The following EIF2B3 variants were observed in gnomAD, a reference collection of about 807,000 sequenced individuals.
EIF2B3 encodes the protein eukaryotic translation initiation factor 2B subunit gamma, also known as translation initiation factor eIF2B subunit gamma.
EIF2B3 carries 20 observed loss-of-function variants against 54.1 expected under a neutral mutation model. That is an observed-to-expected ratio of 0.37 (90% CI 0.26 to 0.54). The LOEUF (loss-of-function observed/expected upper bound fraction) is 0.54. EIF2B3 is among the 20% of genes least tolerant of loss of function. The pLI, the probability that EIF2B3 is intolerant of heterozygous loss-of-function variation, is 0.86. For synonymous variants in EIF2B3, 153 were observed against 188.1 expected (o/e 0.81, Z 1.52); for missense variants, 448 against 547.8 (o/e 0.82, Z 1.82).
intron 3 of EIF2B3, chr1:44,958,604 C>A: frequency 6.8e-7 from 1 of 1,475,364 alleles, no homozygotes. Context: ...AAAAGTGTGG[C>A]ATCAAACTCT....
intron 8 of EIF2B3, among the ~76,000 whole-genome samples, chr1:44,877,979 T>C (rs1472839738): frequency 6.6e-6 from 1 of 152,216 alleles, no homozygotes. Flanking sequence ...TTTCCCAGCA[T>C]GCTCACTCGA....
intron 4 of EIF2B3, among the ~76,000 whole-genome samples, chr1:44,937,606 G>T (rs12725055): frequency 6.6e-6 from 1 of 151,572 alleles, no homozygotes. Flanking sequence ...GCAGCAGACC[G>T]GGCGCGGTGG....
At chr1:44,872,116 T>C (rs944021784) in intron 10 of EIF2B3, among the ~76,000 whole-genome samples, 4 of 152,174 alleles carry the variant, frequency 2.6e-5, no homozygotes, top group Non-Finnish European at 4.4e-5. Context: ...CACTGCAGCC[T>C]TGACATACCA....
intron 3 of EIF2B3, among the ~76,000 whole-genome samples, chr1:44,944,048 G>T (rs1468194537): frequency 6.6e-6 from 1 of 152,130 alleles, no homozygotes; most frequent in Non-Finnish European, 1.5e-5. Context: ...GGAGGCTGAG[G>T]CAGGAGAATT....
intron 5 of EIF2B3, among the ~76,000 whole-genome samples, chr1:44,912,309 C>T (rs1392220026): frequency 6.6e-6 from 1 of 152,162 alleles, no homozygotes; most frequent in Non-Finnish European, 1.5e-5. Flanking sequence ...GGACAGAATT[C>T]CTTGAGAGTC....
intron 5 of EIF2B3, among the ~76,000 whole-genome samples, chr1:44,907,558 A>T (rs950950586): frequency 6.6e-6 from 1 of 151,132 alleles, no homozygotes; most frequent in Non-Finnish European, 1.5e-5. Flanking sequence ...CTCCTTCTCA[A>T]AAACAAACAA....
chr1:44,951,187 A>G (rs1284900362), intron 3 of EIF2B3, among the ~76,000 whole-genome samples: 2 of 152,164 alleles, frequency 1.3e-5, no homozygotes, highest in African/African-American at 2.4e-5. Flanking sequence ...AAATTGCACC[A>G]ACTCCAAAAT....
intron 5 of EIF2B3, among the ~76,000 whole-genome samples, chr1:44,908,049 A>T (rs1446928948): frequency 1.3e-5 from 2 of 152,186 alleles, no homozygotes; most frequent in Non-Finnish European, 2.9e-5. Context: ...TTTGATCTGA[A>T]GAATGTGGTG....
At chr1:44,903,761 G>A (rs1643360395) in intron 5 of EIF2B3, among the ~76,000 whole-genome samples, 1 of 152,178 alleles carries the variant, frequency 6.6e-6, no homozygotes, top group Admixed American at 6.5e-5. Flanking sequence ...AGTGAGAAAG[G>A]AAAGCCATCA....
Position 44,925,952 on chromosome 1 carries a change from G to A in EIF2B3, c.566+676C>T, listed in dbSNP as rs147185192. ...AAAAAAAGGCCACTTAGAATGGGCC[G>A]CACGGTGGCTCACGCCTGTAATCCT... is the stretch of plus-strand genomic sequence containing the variant. On this transcript the variant is annotated intron_variant, in intron 5 of 11. Coordinates refer to ENST00000360403, the MANE Select transcript of EIF2B3 (RefSeq NM_020365.5). Among the ~76,000 whole-genome samples, 1,318 of 151,704 alleles carry A rather than the reference G, an allele frequency of 8.7e-3. 9 individuals are homozygous for A. Among genetic ancestry groups the A allele is most frequent in the Middle Eastern group, 0.027 (8 of 292 alleles).
In EIF2B3 at chr1:44,875,645, C is replaced by A. The variant is rs539187259; in HGVS notation, c.1026G>T (p.Ser342=). 6.2e-7 allele frequency: 1 copy of A among 1,614,132 alleles called. No homozygotes were observed. Among genetic ancestry groups the A allele is most frequent in the African/African-American group, 1.3e-5 (1 of 75,048 alleles). ...GGTGTTTGCTGACAATCTGGGCTGA[C>A]GAATGGACTGGTGGTTCTTCTGGAC... ...ALCPEEPPVH[S]SAQIVSKHLV... Residue 342 remains serine, a synonymous_variant, in exon 9 of 12, where the codon TCG becomes TCT. Coordinates refer to ENST00000360403, the MANE Select transcript of EIF2B3 (RefSeq NM_020365.5).
chr1:44,905,913 C>T (rs572467139), intron 5 of EIF2B3, among the ~76,000 whole-genome samples: 130 of 152,314 alleles, frequency 8.5e-4, no homozygotes, highest in African/African-American at 3.0e-3. Context: ...CAGAATCACA[C>T]TGCTGTTCAC....
At chr1:44,920,415 A>G (rs143099912) in intron 5 of EIF2B3, among the ~76,000 whole-genome samples, 92 of 152,306 alleles carry the variant, frequency 6.0e-4, no homozygotes, top group African/African-American at 2.1e-3. Flanking sequence ...TTATTTTAAA[A>G]TGTACAATTA....
chr1:44,933,484 G>A (rs72676543), intron 4 of EIF2B3, among the ~76,000 whole-genome samples: 6,601 of 152,206 alleles, frequency 0.043, 196 homozygotes, highest in Admixed American at 0.064. Context: ...GTTATTTGGA[G>A]ATATGGAGTT....
intron 11 of EIF2B3, among the ~76,000 whole-genome samples, chr1:44,854,883 C>T (rs1055252672): frequency 2.0e-5 from 3 of 151,996 alleles, no homozygotes; most frequent in East Asian, 1.9e-4. Flanking sequence ...CCACCGCATC[C>T]GGCTGAGACT....
chr1:44,906,355 C>G (rs1007415824), intron 5 of EIF2B3, among the ~76,000 whole-genome samples: 16 of 152,210 alleles, frequency 1.1e-4, no homozygotes, highest in Admixed American at 2.6e-4. Context: ...AGTGAAGGAT[C>G]ACTCAGGAGT....
intron 10 of EIF2B3, among the ~76,000 whole-genome samples, chr1:44,868,339 AGTGAGCTGAGATTGCG>A (rs1157093249): frequency 7.1e-6 from 1 of 141,028 alleles, no homozygotes; most frequent in African/African-American, 2.7e-5. Context: ...CGGAGCTTGC[AGTGAGCTGAGATTGCG>A]CCACTGTACT....
intron 11 of EIF2B3, among the ~76,000 whole-genome samples, chr1:44,855,015 A>G (rs149318537): frequency 6.6e-6 from 1 of 151,794 alleles, no homozygotes; most frequent in Non-Finnish European, 1.5e-5. Flanking sequence ...GTGTTTGCCT[A>G]GGTCACCTAT....
intron 5 of EIF2B3, among the ~76,000 whole-genome samples, chr1:44,909,265 A>C (rs951284847): frequency 6.6e-6 from 1 of 152,186 alleles, no homozygotes; most frequent in Admixed American, 6.5e-5. Context: ...TGGCAGATTA[A>C]ACATAAGCGT....
Sources: allele counts gnomAD v4.1 joint callset (sites outside exome capture counted in the v4.1 genomes callset), GRCh38; gene constraint gnomAD v4.1.1; transcripts MANE v1.5; gene names NCBI Gene and HGNC (gene_info 2026-07-23, HGNC 2026-07-21).